TENM3: variants seen among roughly 807,000 people sequenced by gnomAD.
TENM3 encodes the protein teneurin-3.
In TENM3, 63 loss-of-function variants were observed where a neutral mutation model predicts 255.1. The ratio of observed to expected loss-of-function variants is 0.25; its 90% confidence interval spans 0.20 to 0.30. TENM3 has a LOEUF of 0.30. Among genes scored for constraint, TENM3 ranks in the 10% least tolerant of loss-of-function variants. The probability of loss-of-function intolerance (pLI) is 1.00; values close to 1 mark genes in which losing one functional copy is unlikely to be tolerated. For synonymous variants in TENM3, 1,306 were observed against 1,322.3 expected, an observed-to-expected ratio of 0.99 and a Z score of 0.27; for missense variants, 2,929 against 3,461.1, an observed-to-expected ratio of 0.85 and a Z score of 3.86.
chr4:182,582,115 G>A (rs115493487), intron 3 of TENM3, among the ~76,000 whole-genome samples: 1,736 of 152,166 alleles, frequency 0.011, 18 homozygotes, highest in Non-Finnish European at 0.018. Context: ...CTGCTATCAC[G>A]GCTGGACTGG....
chr4:182,014,936 T>C, the TENM3 span, among the ~76,000 whole-genome samples: 1 of 152,186 alleles, frequency 6.6e-6, no homozygotes, highest in African/African-American at 2.4e-5. Flanking sequence ...CTGTTACATT[T>C]GCTATAAAAG....
At chr4:181,827,246 C>G in the TENM3 span, among the ~76,000 whole-genome samples, 1 of 152,122 alleles carries the variant, frequency 6.6e-6, no homozygotes, top group Non-Finnish European at 1.5e-5. Context: ...ACAGGGGTAA[C>G]TCTTTAAGAT....
At chr4:181,922,356 T>A in the TENM3 span, among the ~76,000 whole-genome samples, 2 of 152,186 alleles carry the variant, frequency 1.3e-5, no homozygotes, top group Admixed American at 6.5e-5. Context: ...TGTGAATCCA[T>A]CTGGTCCTGG....
the TENM3 span, among the ~76,000 whole-genome samples, chr4:181,845,572 T>C: frequency 1.3e-5 from 2 of 152,208 alleles, no homozygotes; most frequent in Non-Finnish European, 2.9e-5. Context: ...AACCTCCCTA[T>C]CTGGCACACT....
chr4:182,759,279 C>CTAT (rs1211843944), intron 22 of TENM3, among the ~76,000 whole-genome samples: 1 of 152,190 alleles, frequency 6.6e-6, no homozygotes, highest in Non-Finnish European at 1.5e-5. Flanking sequence ...CTCCCAACAG[C>CTAT]TATTTGTTGA....
At chr4:182,482,079 G>A (rs1300790602) in intron 3 of TENM3, among the ~76,000 whole-genome samples, 3 of 151,968 alleles carry the variant, frequency 2.0e-5, no homozygotes, top group African/African-American at 7.2e-5. Context: ...TTTTACCTAT[G>A]AACCTAAAAC....
the TENM3 span, among the ~76,000 whole-genome samples, chr4:181,912,307 C>T: frequency 6.6e-6 from 1 of 152,190 alleles, no homozygotes; most frequent in Admixed American, 6.5e-5. Flanking sequence ...TACATGCTGC[C>T]CTCATGATGC....
chr4:182,503,561 C>T (rs904171163), intron 3 of TENM3, among the ~76,000 whole-genome samples: 1 of 152,164 alleles, frequency 6.6e-6, no homozygotes, highest in African/African-American at 2.4e-5. Context: ...TTAAGGATTG[C>T]AGGTTGGCAG....
At chr4:181,551,888 G>A in the TENM3 span, among the ~76,000 whole-genome samples, 58,750 of 122,760 alleles carry the variant, frequency 0.48, 12,515 homozygotes, top group Middle Eastern at 0.54. Context: ...GTGTGTGTGT[G>A]TATATAAATT....
At chr4:181,765,435 A>G in the TENM3 span, among the ~76,000 whole-genome samples, 1 of 152,218 alleles carries the variant, frequency 6.6e-6, no homozygotes, top group African/African-American at 2.4e-5. Flanking sequence ...CCACATTGAT[A>G]TTAATGATTA....
At chr4:181,700,025 A>G in the TENM3 span, among the ~76,000 whole-genome samples, 266 of 152,272 alleles carry the variant, frequency 1.7e-3, 1 homozygote, top group Middle Eastern at 3.4e-3. Flanking sequence ...TCACCTGAAA[A>G]GTTGAAAAGT....
chr4:181,706,418 G>A, the TENM3 span, among the ~76,000 whole-genome samples: 18 of 152,176 alleles, frequency 1.2e-4, no homozygotes, highest in South Asian at 2.3e-3. Flanking sequence ...TCGTAAAGTC[G>A]TCCATAGACT....
intron 3 of TENM3, among the ~76,000 whole-genome samples, chr4:182,530,188 A>G (rs1739627038): frequency 6.6e-6 from 1 of 152,216 alleles, no homozygotes; most frequent in African/African-American, 2.4e-5. Context: ...GAGGAAAAAA[A>G]TATTAGGCAT....
the TENM3 span, among the ~76,000 whole-genome samples, chr4:182,087,391 A>C: frequency 2.0e-5 from 3 of 152,232 alleles, no homozygotes; most frequent in African/African-American, 7.2e-5. Flanking sequence ...ACTGTGTCCA[A>C]CTTGTACTGA....
the TENM3 span, among the ~76,000 whole-genome samples, chr4:181,576,835 C>T: frequency 7.4e-5 from 8 of 107,888 alleles, no homozygotes; most frequent in South Asian, 6.3e-4. Flanking sequence ...TTTTTTGAGA[C>T]GGAGTTCCAC....
At chr4:182,624,923 G>A (rs574821129) in intron 4 of TENM3, among the ~76,000 whole-genome samples, 80 of 152,252 alleles carry the variant, frequency 5.3e-4, no homozygotes, top group African/African-American at 1.8e-3. Flanking sequence ...ATGATAATAC[G>A]TGGTAATACT....
intron 3 of TENM3, among the ~76,000 whole-genome samples, chr4:182,588,974 T>A (rs1383472827): frequency 6.6e-6 from 1 of 152,198 alleles, no homozygotes; most frequent in Non-Finnish European, 1.5e-5. Context: ...CAAGATAAGT[T>A]GCTTTTTAAA....
chr4:182,007,761 T>TC, the TENM3 span, among the ~76,000 whole-genome samples: 16 of 152,230 alleles, frequency 1.1e-4, no homozygotes, highest in African/African-American at 3.6e-4. Flanking sequence ...TTTGATCCTG[T>TC]CATCGTGACG....
At chr4:182,168,220 C>G (rs1751852521) in intron 1 of TENM3, among the ~76,000 whole-genome samples, 2 of 151,918 alleles carry the variant, frequency 1.3e-5, no homozygotes, top group Admixed American at 6.6e-5. Context: ...CAGCAGCTTC[C>G]ATCTCTGGGG....
Sources: gnomAD v4.1 joint callset for allele counts (sites outside exome capture counted in the v4.1 genomes callset) on GRCh38, gnomAD v4.1.1 for gene constraint, MANE v1.5 for transcripts, NCBI Gene and HGNC (gene_info 2026-07-23, HGNC 2026-07-21) for gene names.